DNAH10: variants seen among roughly 807,000 people sequenced by gnomAD.
The protein encoded by DNAH10 is axonemal beta dynein heavy chain 10.
Under a neutral mutation model 506.6 loss-of-function variants are expected in DNAH10, and 348 were observed. The ratio of observed to expected loss-of-function variants is 0.69; its 90% confidence interval spans 0.63 to 0.75. DNAH10 has a LOEUF of 0.75. DNAH10 is among the 30% of genes least tolerant of loss of function. The pLI is 0.00. For synonymous variants in DNAH10, 2,059 were observed against 2,198.6 expected (o/e 0.94, Z 1.78); for missense variants, 5,179 against 5,787.1 (o/e 0.89, Z 3.41).
In DNAH10 at chr12:123,762,605, C is replaced by G; in HGVS notation, c.214+55C>G. 6.7e-7 allele frequency: 1 copy of G among 1,494,964 alleles called. No homozygotes were observed. Among genetic ancestry groups the G allele is most frequent in the East Asian group, 2.7e-5 (1 of 37,446 alleles). 92.6% of individuals were successfully genotyped at this position (1,494,964 alleles called of 1,614,324 possible). ...GGGCTTCCCTCCTGCCCGTCCCGGC[C>G]TCTCCGGCGGGCGCCGGGGCTGCTA... On this transcript the variant is annotated intron_variant, in intron 1 of 78. Transcript: ENST00000673944. This position sits in a 1 kb window ranked among gnomAD's most constrained non-coding sequence, Gnocchi z 5.0.
chr12:123,790,209 G>A, intron 11 of DNAH10, 88 bp downstream of exon 11: 1 of 1,219,384 alleles, frequency 8.2e-7, no homozygotes, highest in East Asian at 2.9e-5. Flanking sequence ...GTGATGCTTA[G>A]TCTTTTTTTT....
At chr12:123,877,521 G>A (rs772002674) in intron 47 of DNAH10, among the ~76,000 whole-genome samples, 4 of 152,022 alleles carry the variant, frequency 2.6e-5, no homozygotes, top group Non-Finnish European at 5.9e-5. Flanking sequence ...TCACCGTGTT[G>A]GTCAGGCTGG....
intron 12 of DNAH10, among the ~76,000 whole-genome samples, chr12:123,795,514 A>G (rs968381575): frequency 2.6e-5 from 4 of 152,172 alleles, no homozygotes; most frequent in African/African-American, 9.7e-5. Flanking sequence ...AGTGGTGGCC[A>G]CTTTCACTTC....
chr12:123,827,614 G>A (rs564073856), intron 25 of DNAH10, among the ~76,000 whole-genome samples: 37 of 152,250 alleles, frequency 2.4e-4, no homozygotes, highest in South Asian at 1.7e-3. Flanking sequence ...GCTTCTGCTC[G>A]TGTTCCTCTA....
At chr12:123,794,510 T>C (rs1309726390) in intron 12 of DNAH10, among the ~76,000 whole-genome samples, 1 of 152,164 alleles carries the variant, frequency 6.6e-6, no homozygotes, top group Non-Finnish European at 1.5e-5. Context: ...TGGATTCTGC[T>C]TTTAAAGAAG....
intron 5 of DNAH10, among the ~76,000 whole-genome samples, chr12:123,779,604 G>GGAGAGAGAGAGAGA (rs33916907): frequency 6.7e-6 from 1 of 149,594 alleles, no homozygotes; most frequent in Non-Finnish European, 1.5e-5. Context: ...TGGGGGTGGG[G>GGAGAGAGAGAGAGA]GAGAGAGAGA....
chr12:123,903,202 G>T lies in DNAH10; in HGVS notation c.9815+89G>T. 7.0e-7 allele frequency: 1 copy of T among 1,438,458 alleles called. No homozygotes were observed. The highest frequency in any genetic ancestry group is 1.4e-5 in the South Asian group (1 of 69,966). 89.1% of individuals were successfully genotyped at this position (1,438,458 alleles called of 1,614,324 possible). On this transcript the variant is annotated intron_variant, in intron 57 of 78. Coordinates refer to ENST00000673944, the MANE Select transcript of DNAH10 (RefSeq NM_001372106.1). The surrounding 1 kb of genome is among the most constrained non-coding windows in gnomAD (Gnocchi z 4.6). Reference sequence around the variant, plus strand: ...ATCGTGGCAACCAGGAGCTTACAAAGGAGCCGATGCCACATGCTGCCACTG... The same window carrying T: ...ATCGTGGCAACCAGGAGCTTACAAATGAGCCGATGCCACATGCTGCCACTG...
intron 41 of DNAH10, among the ~76,000 whole-genome samples, chr12:123,866,389 G>A (rs530254382): frequency 1.4e-4 from 21 of 151,400 alleles, no homozygotes; most frequent in African/African-American, 4.4e-4. Context: ...GACTACAGGC[G>A]CCCGCCACCA....
intron 26 of DNAH10, among the ~76,000 whole-genome samples, chr12:123,831,523 C>T (rs759911048): frequency 2.0e-5 from 3 of 152,160 alleles, no homozygotes; most frequent in Non-Finnish European, 4.4e-5. Context: ...AGACTGCAAG[C>T]CTGTACAGCA....
At position 123,896,822 on chromosome 12, in the gene DNAH10, T is replaced by G. The variant is rs576320656; in HGVS notation, c.9281-948T>G. On this transcript the variant is annotated intron_variant, in intron 54 of 78. Coordinates refer to ENST00000673944, the MANE Select transcript of DNAH10 (RefSeq NM_001372106.1). ...TCTTTTCTTGTCCTATTAAAAACTT[T>G]AACATCATTTTTTTATTGTAGTAAA... 2.6e-5 allele frequency among the ~76,000 whole-genome samples: 4 copies of G among 152,296 alleles called. 1 individual carries two copies. Among genetic ancestry groups the G allele is most frequent in the African/African-American group, 9.6e-5 (4 of 41,544 alleles).
At chr12:123,837,188 A>AG (rs1220856267) in intron 28 of DNAH10, among the ~76,000 whole-genome samples, 1 of 150,824 alleles carries the variant, frequency 6.6e-6, no homozygotes, top group Non-Finnish European at 1.5e-5. Context: ...CAAAAAAAAA[A>AG]AAAAAATTAG....
chr12:123,878,013 A>T (rs1314246321), intron 48 of DNAH10, 105 bp downstream of exon 48: 3 of 1,361,990 alleles, frequency 2.2e-6, no homozygotes, highest in Non-Finnish European at 3.0e-6. Flanking sequence ...CGTTGTATGA[A>T]TTAATTACCC....
chr12:123,816,587 A>G (rs1372146853), intron 21 of DNAH10, among the ~76,000 whole-genome samples: 1 of 152,170 alleles, frequency 6.6e-6, no homozygotes, highest in Non-Finnish European at 1.5e-5. Flanking sequence ...TGTGTCTTTT[A>G]TAATAAATCA....
At chr12:123,895,030 T>A (rs907054966) in intron 54 of DNAH10, among the ~76,000 whole-genome samples, 3 of 152,224 alleles carry the variant, frequency 2.0e-5, no homozygotes, top group African/African-American at 7.2e-5. Context: ...AAAGTTTTAT[T>A]GGTACACAGA....
intron 19 of DNAH10, 146 bp downstream of exon 19, chr12:123,809,099 C>T: frequency 1.0e-6 from 1 of 997,380 alleles, no homozygotes; most frequent in South Asian, 1.6e-5. Context: ...CCCCAGTTTT[C>T]CCCACTTCAG....
chr12:123,935,114 C>T (rs1955431438), intron 78 of DNAH10: 5 of 608,628 alleles, frequency 8.2e-6, no homozygotes, highest in South Asian at 6.4e-5. Context: ...ATGTCTTCTG[C>T]TCTGCCTGGG....
intron 62 of DNAH10, 120 bp downstream of exon 62, chr12:123,915,119 A>G: frequency 7.4e-7 from 1 of 1,342,776 alleles, no homozygotes; most frequent in Non-Finnish European, 9.9e-7. Context: ...AAATGCTTCC[A>G]TCCTGACCCC....
At position 123,841,539 on chromosome 12, in the gene DNAH10, G is replaced by T; in HGVS notation, c.5354G>T (p.Arg1785Ile). ...GCTATTTTTAGATACTGTGAAGACA[G>T]AAGCAGGTAAGGCTGCGAATGTGGA... ...KEAIFRYCED[R>I]SRVDWMLLYQ... The change falls in exon 30 of 79, where the codon AGA becomes ATA. Residue 1785 changes from arginine (R) to isoleucine (I), a missense_variant. Physicochemically the swap from Arg to Ile is moderately conservative, Grantham distance 97. Around this residue, in one of 3 missense-constraint regions of DNAH10, gnomAD observed 4,844 missense variants for 5,430.5 expected, o/e 0.89. Coordinates refer to ENST00000673944, the MANE Select transcript of DNAH10 (RefSeq NM_001372106.1). 4 of 1,613,762 alleles carry T rather than the reference G, an allele frequency of 2.5e-6. No homozygotes were observed. The highest frequency in any genetic ancestry group is 3.4e-6 in the Non-Finnish European group (4 of 1,179,788).
intron 57 of DNAH10, among the ~76,000 whole-genome samples, chr12:123,905,928 T>C (rs1953752902): frequency 6.6e-6 from 1 of 152,018 alleles, no homozygotes; most frequent in Non-Finnish European, 1.5e-5. Flanking sequence ...TTTGTGGCTT[T>C]TTTTTTTGAG....
Sources: allele counts gnomAD v4.1 joint callset (sites outside exome capture counted in the v4.1 genomes callset), GRCh38; gene constraint gnomAD v4.1.1; regional missense constraint gnomAD v4.1.1; non-coding constraint Gnocchi (gnomAD v3.1); transcripts MANE v1.5; gene names NCBI Gene and HGNC (gene_info 2026-07-23, HGNC 2026-07-21).